Variants in PTPRF observed in about 807,000 individuals in gnomAD.
PTPRF encodes protein tyrosine phosphatase receptor type F, also known as receptor-type tyrosine-protein phosphatase F.
Under a neutral mutation model 201.8 loss-of-function variants are expected in PTPRF, and 59 were observed. The observed-to-expected ratio is 0.29, with a 90% CI of 0.24 to 0.36. PTPRF has a LOEUF of 0.36. PTPRF is among the 10% of genes least tolerant of loss of function. PTPRF has a pLI of 1.00. For synonymous variants in PTPRF, 1,088 were observed against 1,089.7 expected, an observed-to-expected ratio of 1.00 and a Z score of 0.03; for missense variants, 2,132 against 2,690.5, an observed-to-expected ratio of 0.79 and a Z score of 4.59.
At position 43,619,484 on chromosome 1, in the gene PTPRF, G is replaced by A; in HGVS notation, c.4843G>A (p.Val1615Met). ...GGCTGCCACGTGCGGCCACACAGAG[G>A]TGCCTGCCCGCAACCTGTATGCCCA... ...LEAATCGHTE[V>M]PARNLYAHIQ... Residue 1615 changes from valine to methionine, a missense_variant, in exon 28 of 34, where the codon GTG (valine) becomes ATG (methionine). Around this residue, in one of 6 missense-constraint regions of PTPRF, gnomAD observed 519 missense variants for 659.5 expected, o/e 0.79. Transcript: ENST00000359947. 1 of 1,614,024 alleles carries A rather than the reference G, an allele frequency of 6.2e-7. No individual in the cohort carries two copies. Among genetic ancestry groups the A allele is most frequent in the Non-Finnish European group, 8.5e-7 (1 of 1,180,032 alleles).
intron 27 of PTPRF, 22 bp downstream of exon 27, chr1:43,619,224 CAGAGGGGTGGG>C: frequency 6.7e-7 from 1 of 1,481,510 alleles, no homozygotes; most frequent in Non-Finnish European, 9.1e-7. Context: ...CAGTGCCACC[CAGAGGGGTGGG>C]TGGGGTGGGA....
At position 43,537,913 on chromosome 1, in the gene PTPRF, C is replaced by T. The variant is rs1191637622; in HGVS notation, c.-125-285C>T. Among the ~76,000 whole-genome samples, 1 of 152,116 alleles carries T rather than the reference C, an allele frequency of 6.6e-6. No individual in the cohort carries two copies. ...CTGAGGAGCTGGGCCACAGAGTCTA[C>T]TGCTGAGGTCAGGGACTTGGTCTGT... On this transcript the variant is annotated intron_variant, in intron 1 of 33. Coordinates refer to ENST00000359947, the MANE Select transcript of PTPRF (RefSeq NM_002840.5). The surrounding 1 kb of genome is among the most constrained non-coding windows in gnomAD (Gnocchi z 4.8).
intron 7 of PTPRF, among the ~76,000 whole-genome samples, chr1:43,581,522 C>A (rs952102291): frequency 1.3e-5 from 2 of 152,246 alleles, no homozygotes; most frequent in Non-Finnish European, 2.9e-5. Flanking sequence ...GACTTAGGCA[C>A]ACCTGAAAGG....
In PTPRF at chr1:43,606,465, C is replaced by G; in HGVS notation, c.3702+7C>G. ...GAAGGAACCCATGGACCAGGTCTGC[C>G]TGAGCCGGCTTGGCTGTCAGCACCC... On this transcript the variant is annotated splice_region_variant and intron_variant, in intron 20 of 33. Coordinates refer to ENST00000359947, the MANE Select transcript of PTPRF (RefSeq NM_002840.5). 6.2e-7 allele frequency: 1 copy of G among 1,607,888 alleles called. No homozygotes were observed. Among genetic ancestry groups the G allele is most frequent in the South Asian group, 1.1e-5 (1 of 90,716 alleles).
chr1:43,618,835 T>C, intron 26 of PTPRF, 86 bp downstream of exon 26: 2 of 1,544,506 alleles, frequency 1.3e-6, no homozygotes, highest in Non-Finnish European at 1.8e-6. Flanking sequence ...GGGGGGAAGC[T>C]GGAGCCTGGG....
chr1:43,618,774 C>A (rs74952533), intron 26 of PTPRF, 25 bp downstream of exon 26: 5 of 1,587,160 alleles, frequency 3.2e-6, no homozygotes, highest in Middle Eastern at 1.7e-4. Context: ...CAGTGCATAT[C>A]TCTTACCCAG....
chr1:43,620,233 C>G lies in PTPRF; in HGVS notation c.5238+12C>G. ...GGGAGATGGGCAGGGTGAGCCCACC[C>G]TTTCCCCCAGGGCCCCTGTCATACC... On this transcript the variant is annotated intron_variant, in intron 30 of 33. Transcript: ENST00000359947. 1 of 1,613,570 alleles carries G rather than the reference C, an allele frequency of 6.2e-7. No individual in the cohort carries two copies. Among genetic ancestry groups the G allele is most frequent in the East Asian group, 2.2e-5 (1 of 44,876 alleles).
intron 16 of PTPRF, 144 bp downstream of exon 16, chr1:43,604,333 C>T: frequency 1.2e-6 from 1 of 843,936 alleles, no homozygotes; most frequent in Non-Finnish European, 1.8e-6. Context: ...TGACCACTAA[C>T]CTCTAGTGAA....
Position 43,603,463 on chromosome 1 carries a change from T to C in PTPRF, c.2388T>C (p.Thr796=). ...GLTPETTYSV[T]VAAYTTKGDG... Reference sequence around the variant, plus strand: ...CCCCGGAGACCACCTACTCCGTTACTGTTGCTGCCTATACCACCAAGGGGG... The same window carrying C: ...CCCCGGAGACCACCTACTCCGTTACCGTTGCTGCCTATACCACCAAGGGGG... The change falls in exon 15 of 34, where the codon ACT becomes ACC. Residue 796 remains threonine (T), a synonymous_variant. Transcript: ENST00000359947. This position sits in a 1 kb window ranked among gnomAD's most constrained non-coding sequence, Gnocchi z 5.8. 1.2e-6 allele frequency: 2 copies of C among 1,614,136 alleles called. No individual in the cohort carries two copies. The highest frequency in any genetic ancestry group is 1.1e-5 in the South Asian group (1 of 91,078).
chr1:43,547,048 T>C (rs565082903), intron 3 of PTPRF, among the ~76,000 whole-genome samples: 1 of 152,240 alleles, frequency 6.6e-6, no homozygotes, highest in Admixed American at 6.5e-5. Flanking sequence ...TGTCACAAGG[T>C]GAAAACATCA....
intron 5 of PTPRF, among the ~76,000 whole-genome samples, chr1:43,565,177 C>T (rs1646072928): frequency 6.6e-6 from 1 of 152,190 alleles, no homozygotes; most frequent in South Asian, 2.1e-4. Flanking sequence ...ACCAAGATAG[C>T]AAGTGAGCTG....
At chr1:43,579,451 G>A (rs1647170090) in intron 7 of PTPRF, 1 of 349,480 alleles carries the variant, frequency 2.9e-6, no homozygotes, top group South Asian at 2.2e-5. Flanking sequence ...GAGCCTTCCT[G>A]GAGGAACCCT....
intron 23 of PTPRF, among the ~76,000 whole-genome samples, chr1:43,615,222 C>T (rs1657458236): frequency 1.3e-5 from 2 of 152,228 alleles, no homozygotes; most frequent in Admixed American, 1.3e-4. Flanking sequence ...ACCGTGCTGC[C>T]TCTGCCTATA....
At chr1:43,598,182 C>A (rs1013386999) in intron 12 of PTPRF, 129 bp downstream of exon 12, 38 of 1,009,210 alleles carry the variant, frequency 3.8e-5, no homozygotes, top group Admixed American at 1.7e-4. Flanking sequence ...GTGTAATGGC[C>A]TAAAGTGGGG....
Position 43,588,873 on chromosome 1 carries a change from G to A in PTPRF, c.822G>A (p.Lys274=), listed in dbSNP as rs777405230. ...KWMMGAEELT[K]EDEMPVGRNV... is the part of the protein sequence containing the mutation. ...TGATGGGGGCCGAGGAGCTCACCAA[G>A]GAGGATGAGATGCCAGTTGGCCGCA... Residue 274 remains lysine (K), a synonymous_variant, in exon 8 of 34, where the codon AAG becomes AAA. Coordinates refer to ENST00000359947, the MANE Select transcript of PTPRF (RefSeq NM_002840.5). The surrounding 1 kb of genome is among the most constrained non-coding windows in gnomAD (Gnocchi z 5.3). The A allele has an allele frequency of 6.2e-7, 1 of 1,614,040 alleles. No individual in the cohort carries two copies. Among genetic ancestry groups the A allele is most frequent in the South Asian group, 1.1e-5 (1 of 91,088 alleles).
intron 1 of PTPRF, among the ~76,000 whole-genome samples, chr1:43,533,391 C>T (rs771233174): frequency 4.0e-5 from 6 of 151,398 alleles, no homozygotes; most frequent in African/African-American, 1.2e-4. Context: ...TGTATGGATA[C>T]GCAGCAAAAT....
At chr1:43,614,733 C>G (rs980422269) in intron 23 of PTPRF, among the ~76,000 whole-genome samples, 4 of 152,242 alleles carry the variant, frequency 2.6e-5, no homozygotes, top group Admixed American at 2.6e-4. Context: ...TGCCTGTAGT[C>G]CCAGCTATTT....
Position 43,600,133 on chromosome 1 carries a change from G to C in PTPRF, c.2313+1220G>C, listed in dbSNP as rs541964793. The stretch of plus-strand genomic sequence containing the variant: ...GCCTGCCCAGTGCTAAGGCATCCGG[G>C]GTGGAGGAGGCAGGCATGTGCACCC... On this transcript the variant is annotated intron_variant, in intron 13 of 33. Coordinates refer to ENST00000359947, the MANE Select transcript of PTPRF (RefSeq NM_002840.5). 5.3e-5 allele frequency among the ~76,000 whole-genome samples: 8 copies of C among 152,346 alleles called. No homozygotes were observed. The South Asian group carries it at 1.7e-3, about 32-fold the overall frequency.
intron 7 of PTPRF, chr1:43,580,076 A>AAG (rs1253879671): frequency 6.6e-6 from 1 of 151,714 alleles, no homozygotes; most frequent in African/African-American, 2.4e-5. Flanking sequence ...AAAAAAAAAA[A>AAG]AAGTACAACT....
Sources: allele counts gnomAD v4.1 joint callset (sites outside exome capture counted in the v4.1 genomes callset), GRCh38; gene constraint gnomAD v4.1.1; regional missense constraint gnomAD v4.1.1; non-coding constraint Gnocchi (gnomAD v3.1); transcripts MANE v1.5; gene names NCBI Gene and HGNC (gene_info 2026-07-23, HGNC 2026-07-21).